The following PBX1 variants were observed in gnomAD, a reference collection of about 807,000 sequenced individuals.
The protein encoded by PBX1 is PBX homeobox 1.
A neutral mutation model predicts 53.4 loss-of-function variants in PBX1; 6 were observed. The observed-to-expected ratio is 0.11, with a 90% CI of 0.06 to 0.22. The LOEUF (loss-of-function observed/expected upper bound fraction) is 0.22. Among genes scored for constraint, PBX1 ranks in the 10% least tolerant of loss-of-function variants. The pLI is 1.00. For missense variants in PBX1, 251 were observed against 551.4 expected (o/e 0.46, Z 5.46); for synonymous variants, 204 against 212.3 (o/e 0.96, Z 0.34).
intron 1 of PBX1, among the ~76,000 whole-genome samples, chr1:164,562,558 CTAATTGTAAA>C (rs1653140430): frequency 6.6e-6 from 1 of 151,798 alleles, no homozygotes; most frequent in Non-Finnish European, 1.5e-5. Context: ...GTGCAAGGTC[CTAATTGTAAA>C]TAATTGAATT....
intron 2 of PBX1, among the ~76,000 whole-genome samples, chr1:164,665,338 G>T (rs1660743867): frequency 6.6e-6 from 1 of 152,160 alleles, no homozygotes; most frequent in Non-Finnish European, 1.5e-5. Context: ...AGGCTGGAGT[G>T]CAGTGTTGCG....
intron 4 of PBX1, among the ~76,000 whole-genome samples, chr1:164,803,924 G>A (rs1039406234): frequency 1.3e-5 from 2 of 152,078 alleles, no homozygotes; most frequent in Non-Finnish European, 1.5e-5. Context: ...GGATAATCCT[G>A]TAAATAGGAA....
chr1:164,743,681 T>C (rs1032909883), intron 2 of PBX1, among the ~76,000 whole-genome samples: 1 of 152,146 alleles, frequency 6.6e-6, no homozygotes, highest in African/African-American at 2.4e-5. Context: ...AACAAAGTCA[T>C]GGAATAGAAT....
intron 4 of PBX1, among the ~76,000 whole-genome samples, chr1:164,802,675 G>A (rs1395122465): frequency 1.3e-5 from 2 of 152,004 alleles, no homozygotes; most frequent in Non-Finnish European, 2.9e-5. Context: ...CTAACCTTTC[G>A]GCCCTTTATG....
intron 2 of PBX1, among the ~76,000 whole-genome samples, chr1:164,751,580 C>T (rs1016579281): frequency 2.8e-5 from 4 of 142,070 alleles, no homozygotes; most frequent in Non-Finnish European, 4.5e-5. Flanking sequence ...TTATTGCCCC[C>T]CTTTTTTTTT....
At chr1:164,884,699 A>G in intron 2 of PBX1, 1 of 291,536 alleles carries the variant, frequency 3.4e-6, no homozygotes. Flanking sequence ...CCTGCTGGCC[A>G]GTCATATCAG....
intron 2 of PBX1, among the ~76,000 whole-genome samples, chr1:164,711,219 C>G (rs1663748450): frequency 6.6e-6 from 1 of 152,146 alleles, no homozygotes; most frequent in Admixed American, 6.5e-5. Context: ...TCTGCTGACC[C>G]AGAAGCAGAC....
At chr1:164,772,241 G>A (rs1055409998) in intron 2 of PBX1, among the ~76,000 whole-genome samples, 9 of 152,138 alleles carry the variant, frequency 5.9e-5, no homozygotes, top group African/African-American at 1.7e-4. Flanking sequence ...ATTCTTTGCC[G>A]TTAGATCTTG....
intron 2 of PBX1, among the ~76,000 whole-genome samples, chr1:164,747,817 A>G (rs189567618): frequency 1.3e-5 from 2 of 152,198 alleles, no homozygotes; most frequent in Non-Finnish European, 2.9e-5. Context: ...AATTGTGTCT[A>G]GCCCTAGGGT....
At chr1:164,844,115 CTTTT>C (rs773961576) in intron 8 of PBX1, among the ~76,000 whole-genome samples, 11 of 61,100 alleles carry the variant, frequency 1.8e-4, no homozygotes, top group South Asian at 4.5e-4. Context: ...TTCTTTCTTT[CTTTT>C]TTTTTTTTTT....
At chr1:164,861,328 C>T (rs1672091717) in intron 2 of PBX1, among the ~76,000 whole-genome samples, 1 of 152,114 alleles carries the variant, frequency 6.6e-6, no homozygotes. Flanking sequence ...CTGCTTAACT[C>T]ACTTCTAAAT....
At chr1:164,752,237 TGTG>T (rs1666275295) in intron 2 of PBX1, among the ~76,000 whole-genome samples, 1 of 151,620 alleles carries the variant, frequency 6.6e-6, no homozygotes, top group South Asian at 2.1e-4. Context: ...TGTGTGTGTG[TGTG>T]TGTGTGCCCT....
intron 2 of PBX1, among the ~76,000 whole-genome samples, chr1:164,725,182 G>A (rs115748979): frequency 0.01 from 1,543 of 152,140 alleles, 28 homozygotes; most frequent in African/African-American, 0.035. Context: ...ATTCTTCTTT[G>A]TCAGGCCTTT....
At chr1:164,722,281 A>T (rs910496008) in intron 2 of PBX1, among the ~76,000 whole-genome samples, 1 of 152,002 alleles carries the variant, frequency 6.6e-6, no homozygotes, top group Non-Finnish European at 1.5e-5. Context: ...GCCTCCCTCA[A>T]TGTCATCTGG....
At chr1:164,564,860 T>C (rs1045877060) in intron 2 of PBX1, among the ~76,000 whole-genome samples, 1 of 152,032 alleles carries the variant, frequency 6.6e-6, no homozygotes, top group East Asian at 1.9e-4. Flanking sequence ...CTCTTTTTTC[T>C]TCTTTGATCT....
At chr1:164,792,072 C>T (rs960998727) in intron 2 of PBX1, among the ~76,000 whole-genome samples, 2 of 152,204 alleles carry the variant, frequency 1.3e-5, no homozygotes, top group South Asian at 2.1e-4. Context: ...ATCAACCCCC[C>T]ACTCAGCCTC....
At chr1:164,608,446 A>T (rs189504601) in intron 2 of PBX1, among the ~76,000 whole-genome samples, 1 of 152,162 alleles carries the variant, frequency 6.6e-6, no homozygotes, top group Non-Finnish European at 1.5e-5. Flanking sequence ...TGGTAAAAGA[A>T]TGCCAGATTT....
chr1:164,857,177 T>C (rs974170193), intron 2 of PBX1, among the ~76,000 whole-genome samples: 1 of 152,184 alleles, frequency 6.6e-6, no homozygotes, highest in African/African-American at 2.4e-5. Flanking sequence ...GTACTTCTGG[T>C]GACTGGCTAA....
chr1:164,725,101 C>T (rs1410472193), intron 2 of PBX1, among the ~76,000 whole-genome samples: 2 of 151,856 alleles, frequency 1.3e-5, no homozygotes, highest in Admixed American at 1.3e-4. Context: ...CAGCTTGAAC[C>T]CCCCACCCCC....
Sources: allele counts gnomAD v4.1 joint callset (sites outside exome capture counted in the v4.1 genomes callset), GRCh38; gene constraint gnomAD v4.1.1; transcripts MANE v1.5; gene names NCBI Gene and HGNC (gene_info 2026-07-23, HGNC 2026-07-21).